Variants in ZNRF3 observed in about 807,000 individuals in gnomAD.
ZNRF3 encodes the protein E3 ubiquitin-protein ligase ZNRF3.
In ZNRF3, 23 loss-of-function variants were observed where a neutral mutation model predicts 72.5. The ratio of observed to expected loss-of-function variants is 0.32; its 90% CI spans 0.23 to 0.45. The LOEUF (loss-of-function observed/expected upper bound fraction) is 0.45. ZNRF3 is among the 20% of genes least tolerant of loss of function. ZNRF3 has a pLI of 1.00. For synonymous variants in ZNRF3, 610 were observed against 545.3 expected (o/e 1.12, Z -1.65); for missense variants, 1,169 against 1,272.1 (o/e 0.92, Z 1.23).
chr22:28,986,702 C>T, intron 1 of ZNRF3: 5 of 940,914 alleles, frequency 5.3e-6, no homozygotes, highest in Non-Finnish European at 6.3e-6. Flanking sequence ...ACTAACATAG[C>T]TAGTCTCGTC....
At chr22:29,009,905 CTTT>C (rs57028204) in intron 2 of ZNRF3, among the ~76,000 whole-genome samples, 7 of 123,542 alleles carry the variant, frequency 5.7e-5, no homozygotes, top group Admixed American at 1.8e-4. Flanking sequence ...ACTTTTTCCT[CTTT>C]TTTTTTTTTT....
At chr22:28,910,725 T>C (rs185548760) in intron 1 of ZNRF3, among the ~76,000 whole-genome samples, 3 of 152,240 alleles carry the variant, frequency 2.0e-5, no homozygotes, top group African/African-American at 4.8e-5. Flanking sequence ...ATAACATGCA[T>C]AGGCTGAGTG....
chr22:28,982,288 T>A (rs2035777299), intron 1 of ZNRF3, among the ~76,000 whole-genome samples: 1 of 151,960 alleles, frequency 6.6e-6, no homozygotes, highest in Non-Finnish European at 1.5e-5. Context: ...CACTGTTGGA[T>A]TAAATAAGAG....
chr22:29,007,365 G>A (rs1270695017), intron 2 of ZNRF3, among the ~76,000 whole-genome samples: 5 of 152,210 alleles, frequency 3.3e-5, no homozygotes, highest in African/African-American at 9.7e-5. Context: ...CGTCATGCAC[G>A]GTGGCTCATA....
intron 1 of ZNRF3, among the ~76,000 whole-genome samples, chr22:28,983,883 T>C (rs2035808613): frequency 6.6e-6 from 1 of 152,166 alleles, no homozygotes; most frequent in African/African-American, 2.4e-5. Context: ...CACATGTAGA[T>C]CCTGAGTCCC....
chr22:28,934,006 G>A (rs1274027895), intron 1 of ZNRF3, among the ~76,000 whole-genome samples: 1 of 151,762 alleles, frequency 6.6e-6, no homozygotes, highest in East Asian at 1.9e-4. Context: ...CATATTTGGG[G>A]GAAGGAACAA....
chr22:28,974,058 C>T (rs1014639448), intron 1 of ZNRF3, among the ~76,000 whole-genome samples: 7 of 150,374 alleles, frequency 4.7e-5, no homozygotes, highest in Admixed American at 4.0e-4. Context: ...TCCGAGTTCA[C>T]GCCATCCTCC....
chr22:28,968,581 C>T (rs374234645), intron 1 of ZNRF3, among the ~76,000 whole-genome samples: 8 of 152,030 alleles, frequency 5.3e-5, no homozygotes, highest in African/African-American at 9.7e-5. Flanking sequence ...TGGTGGCACA[C>T]GCCTGTAATC....
intron 1 of ZNRF3, among the ~76,000 whole-genome samples, chr22:28,964,931 G>A (rs970275937): frequency 5.3e-5 from 8 of 152,188 alleles, no homozygotes; most frequent in Non-Finnish European, 1.0e-4. Flanking sequence ...AGTGGCTTGT[G>A]ATACCTTTAC....
Position 29,031,719 on chromosome 22 carries a change from C to A in ZNRF3, c.427-10776C>A, listed in dbSNP as rs945553521. 1.6e-5 allele frequency: 13 copies of A among 813,040 alleles called. No individual in the cohort carries two copies. In the African/African-American group the frequency reaches 2.4e-4, roughly 15 times the overall value. The allele number at this position is 813,040 out of a possible 1,614,324, so 50.4% of individuals were successfully genotyped here. ...CTGGGCTCTCTGGCCTGGGGTAGGA[C>A]CCGCCAAGAGGGACCTGTGGGCGTC... On this transcript the variant is annotated intron_variant, in intron 2 of 8. Transcript: ENST00000544604.
In ZNRF3 at chr22:29,050,259, C is replaced by T. The variant is rs779164116; in HGVS notation, c.2078C>T (p.Ala693Val). ...GTGGGGCTCGAGGCTTCTCCTGGGG[C>T]CGCCCCTGACCTCAGGAGGACCTGG... ...SEVGLEASPGAAPDLRRTWKG... is the reference protein window; with the variant it reads ...SEVGLEASPGVAPDLRRTWKG... The change falls in exon 8 of 9, where the codon GCC becomes GTC. Residue 693 changes from alanine to valine, a missense_variant. Physicochemically the swap from Ala to Val is moderately conservative, Grantham distance 64. Around this residue, in one of 2 missense-constraint regions of ZNRF3, gnomAD observed 783 missense variants for 731.4 expected, o/e 1.07. Coordinates refer to ENST00000544604, the MANE Select transcript of ZNRF3 (RefSeq NM_001206998.2). 6.3e-7 allele frequency: 1 copy of T among 1,598,042 alleles called. No individual in the cohort carries two copies. The highest frequency in any genetic ancestry group is 1.7e-5 in the Admixed American group (1 of 59,934).
intron 1 of ZNRF3, among the ~76,000 whole-genome samples, chr22:28,933,727 C>CA (rs1234228754): frequency 4.0e-5 from 2 of 49,604 alleles, no homozygotes; most frequent in African/African-American, 1.9e-4. Context: ...CACCCCACCC[C>CA]CCCCACACAC....
chr22:28,944,839 T>C (rs1005689018), intron 1 of ZNRF3, among the ~76,000 whole-genome samples: 12 of 151,118 alleles, frequency 7.9e-5, no homozygotes, highest in Non-Finnish European at 1.3e-4. Flanking sequence ...GGCAGGAGAA[T>C]TGCTTGAACT....
At chr22:28,905,997 T>G (rs1303720363) in intron 1 of ZNRF3, among the ~76,000 whole-genome samples, 1 of 152,080 alleles carries the variant, frequency 6.6e-6, no homozygotes, top group Non-Finnish European at 1.5e-5. Flanking sequence ...GGCAGGTAAA[T>G]CCAATGGCAG....
At chr22:28,950,271 C>T (rs897949535) in intron 1 of ZNRF3, among the ~76,000 whole-genome samples, 1 of 152,326 alleles carries the variant, frequency 6.6e-6, no homozygotes, top group African/African-American at 2.4e-5. Flanking sequence ...CCACCCACCG[C>T]CCCCTGCCCT....
At position 28,885,414 on chromosome 22, in the gene ZNRF3, A is replaced by G. The variant is rs78482895; in HGVS notation, c.300+1348A>G. Among the ~76,000 whole-genome samples, 586 of 152,258 alleles carry G rather than the reference A, an allele frequency of 3.8e-3. 1 individual carries two copies. Among genetic ancestry groups the G allele is most frequent in the Non-Finnish European group, 6.9e-3 (468 of 68,016 alleles). Reference sequence around the variant, plus strand: ...CCTTCATTGAGCCCTTTGACTATCTATGTTAATGCTTTTGGACTTAAAAAA... The same window carrying G: ...CCTTCATTGAGCCCTTTGACTATCTGTGTTAATGCTTTTGGACTTAAAAAA... On this transcript the variant is annotated intron_variant, in intron 1 of 8. Transcript: ENST00000544604.
intron 4 of ZNRF3, among the ~76,000 whole-genome samples, chr22:29,043,722 A>G (rs1044108495): frequency 1.3e-5 from 2 of 151,886 alleles, no homozygotes; most frequent in Non-Finnish European, 2.9e-5. Context: ...TTTCCATCCC[A>G]TCTCCCTCTG....
chr22:29,023,836 A>G (rs1601678330), intron 2 of ZNRF3, among the ~76,000 whole-genome samples: 1 of 152,314 alleles, frequency 6.6e-6, no homozygotes, highest in African/African-American at 2.4e-5. Flanking sequence ...AATGCCAGCC[A>G]GTTCCCCATG....
At chr22:28,885,826 C>G (rs2033775600) in intron 1 of ZNRF3, among the ~76,000 whole-genome samples, 1 of 151,692 alleles carries the variant, frequency 6.6e-6, no homozygotes, top group African/African-American at 2.4e-5. Flanking sequence ...CTATTTTATC[C>G]TTGTGAGTAG....
Sources: allele counts gnomAD v4.1 joint callset (sites outside exome capture counted in the v4.1 genomes callset), GRCh38; gene constraint gnomAD v4.1.1; regional missense constraint gnomAD v4.1.1; transcripts MANE v1.5; gene names NCBI Gene and HGNC (gene_info 2026-07-23, HGNC 2026-07-21).